HTRA3: variants seen among roughly 807,000 people sequenced by gnomAD.
The protein encoded by HTRA3 is serine protease HTRA3.
A neutral mutation model predicts 43.2 loss-of-function variants in HTRA3; 41 were observed. That is an observed-to-expected ratio of 0.95 (90% CI 0.74 to 1.23). The LOEUF (loss-of-function observed/expected upper bound fraction) is 1.23. Among genes scored for constraint, HTRA3 ranks in the 50% most tolerant of loss-of-function variants. The probability of loss-of-function intolerance (pLI) is 0.00; values close to 1 mark genes in which losing one functional copy is unlikely to be tolerated. For synonymous variants in HTRA3, 295 were observed against 287.9 expected (o/e 1.02, Z -0.25); for missense variants, 628 against 647.1 (o/e 0.97, Z 0.32).
At chr4:8,285,668 G>A (rs760471557) in intron 2 of HTRA3, among the ~76,000 whole-genome samples, 10 of 152,258 alleles carry the variant, frequency 6.6e-5, no homozygotes, top group Admixed American at 5.2e-4. Flanking sequence ...CCTGCTGGAT[G>A]TGGGGCTGTG....
chr4:8,283,360 G>A (rs769590443), intron 2 of HTRA3, among the ~76,000 whole-genome samples: 1 of 152,162 alleles, frequency 6.6e-6, no homozygotes, highest in Non-Finnish European at 1.5e-5. Context: ...TCTTCCCACA[G>A]GGCCTGCCCC....
intron 4 of HTRA3, 112 bp downstream of exon 4, chr4:8,291,676 G>C: frequency 1.4e-6 from 1 of 716,320 alleles, no homozygotes; most frequent in Non-Finnish European, 2.3e-6. Context: ...TCTGGCACTC[G>C]ACACATCCAC....
Position 8,296,310 on chromosome 4 carries a change from C to A in HTRA3, c.1051+2109C>A. On this transcript the variant is annotated intron_variant, in intron 6 of 8. Coordinates refer to ENST00000307358, the MANE Select transcript of HTRA3 (RefSeq NM_053044.5). The surrounding 1 kb of genome is among the most constrained non-coding windows in gnomAD (Gnocchi z 5.3). ...ATCCCAGAACCCCCTGGGAAATATCCCCTGTCCTCAGAGCTGTGTCCCCTC... is the reference window on the plus strand; with the variant it reads ...ATCCCAGAACCCCCTGGGAAATATCACCTGTCCTCAGAGCTGTGTCCCCTC... 1 of 985,466 alleles carries A rather than the reference C, an allele frequency of 1.0e-6. No individual in the cohort carries two copies. The highest frequency in any genetic ancestry group is 1.1e-4 in the East Asian group (1 of 8,808). 61.0% of individuals were successfully genotyped at this position (985,466 alleles called of 1,614,324 possible).
Position 8,294,209 on chromosome 4 carries a change from G to A in HTRA3, c.1051+8G>A, listed in dbSNP as rs976219735. ...AAGACAAGCAGATCAAAGGTAAAGA[G>A]CTCACCTGGAGGGGGCCAGAGGCAG... On this transcript the variant is annotated splice_region_variant and intron_variant, in intron 6 of 8. Transcript: ENST00000307358. 3 of 1,595,766 alleles carry A rather than the reference G, an allele frequency of 1.9e-6. No homozygotes were observed. Among genetic ancestry groups the A allele is most frequent in the Non-Finnish European group, 2.6e-6 (3 of 1,166,370 alleles).
intron 6 of HTRA3, among the ~76,000 whole-genome samples, chr4:8,299,912 T>TA (rs1713579963): frequency 6.6e-6 from 1 of 151,136 alleles, no homozygotes; most frequent in Non-Finnish European, 1.5e-5. Flanking sequence ...TGATCTTGGC[T>TA]CCCTGCAACC....
chr4:8,304,414 T>C lies in HTRA3; in HGVS notation c.1196+135T>C, dbSNP rs551752519. On this transcript the variant is annotated intron_variant, in intron 8 of 8. Transcript: ENST00000307358. Reference sequence around the variant, plus strand: ...GAAGGGGCAGGTGGATTCTAGCGTGTCTGCTAAGCCAGAGGAGGCTGGAGA... The same window carrying C: ...GAAGGGGCAGGTGGATTCTAGCGTGCCTGCTAAGCCAGAGGAGGCTGGAGA... 206 of 667,196 alleles carry C rather than the reference T, an allele frequency of 3.1e-4. 2 individuals carry two copies. The South Asian group carries it at 3.7e-3, about 12-fold the overall frequency. The allele number at this position is 667,196 out of a possible 1,614,324, so 41.3% of individuals were successfully genotyped here.
chr4:8,293,652 G>A (rs578042821), intron 5 of HTRA3, among the ~76,000 whole-genome samples: 1 of 152,112 alleles, frequency 6.6e-6, no homozygotes, highest in Admixed American at 6.5e-5. Context: ...GGATGGGGGG[G>A]TCAAGGAGCT....
intron 5 of HTRA3, among the ~76,000 whole-genome samples, chr4:8,293,843 C>T (rs1024532562): frequency 2.6e-5 from 4 of 152,224 alleles, no homozygotes; most frequent in East Asian, 3.9e-4. Context: ...GGGGCAGGCC[C>T]GAGCTGCAAG....
At chr4:8,292,696 C>A (rs1713297581) in intron 5 of HTRA3, among the ~76,000 whole-genome samples, 1 of 152,204 alleles carries the variant, frequency 6.6e-6, no homozygotes, top group Admixed American at 6.5e-5. Flanking sequence ...GACAGGGGCA[C>A]CCTCATTCTC....
chr4:8,304,656 T>C (rs1185636011), intron 8 of HTRA3, among the ~76,000 whole-genome samples: 1 of 130,382 alleles, frequency 7.7e-6, no homozygotes, highest in African/African-American at 3.3e-5. Flanking sequence ...TTTTTTTTTT[T>C]TTTTTTTTTT....
chr4:8,270,012 C>A lies in HTRA3; in HGVS notation c.44C>A (p.Ala15Glu). 7.7e-7 allele frequency: 1 copy of A among 1,297,020 alleles called. No homozygotes were observed. The highest frequency in any genetic ancestry group is 9.7e-7 in the Non-Finnish European group (1 of 1,028,492). 80.3% of individuals were successfully genotyped at this position (1,297,020 alleles called of 1,614,324 possible). A position where few individuals can be genotyped will look rare whatever the true frequency, so the allele number is the denominator to read the frequency against. ...ALLLAALAALALAREPPAAPC... is the reference protein window; with the variant it reads ...ALLLAALAALELAREPPAAPC... ...CTCCTGGCCGCGTTGGCCGCGCTGG[C>A]GCTGGCCCGGGAGCCCCCTGCGGCG... Residue 15 changes from alanine to glutamate, a missense_variant, in exon 1 of 9, where the codon GCG becomes GAG. By Grantham distance (107) the Ala-to-Glu change is moderately radical (BLOSUM62 -1). Transcript: ENST00000307358.
chr4:8,297,362 C>T lies in HTRA3; in HGVS notation c.1051+3161C>T, dbSNP rs542463751. Among the ~76,000 whole-genome samples the T allele has an allele frequency of 3.9e-5, 6 of 152,248 alleles. No individual in the cohort carries two copies. Among genetic ancestry groups the T allele is most frequent in the South Asian group, 2.1e-4 (1 of 4,826 alleles). Reference sequence around the variant, plus strand: ...GGGCATTACCAGGCCTCTGCTTTCCCGCCCGCACAGTGGGTCTAAGTCAGA... The same window carrying T: ...GGGCATTACCAGGCCTCTGCTTTCCTGCCCGCACAGTGGGTCTAAGTCAGA... On this transcript the variant is annotated intron_variant, in intron 6 of 8. Coordinates refer to ENST00000307358, the MANE Select transcript of HTRA3 (RefSeq NM_053044.5). The surrounding 1 kb of genome is among the most constrained non-coding windows in gnomAD (Gnocchi z 5.8).
In HTRA3 at chr4:8,295,155, C is replaced by G. The variant is rs1578804299; in HGVS notation, c.1051+954C>G. Among the ~76,000 whole-genome samples the G allele has an allele frequency of 6.6e-6, 1 of 152,134 alleles. No individual in the cohort carries two copies. Among genetic ancestry groups the G allele is most frequent in the South Asian group, 2.1e-4 (1 of 4,822 alleles). On this transcript the variant is annotated intron_variant, in intron 6 of 8. Coordinates refer to ENST00000307358, the MANE Select transcript of HTRA3 (RefSeq NM_053044.5). This position sits in a 1 kb window ranked among gnomAD's most constrained non-coding sequence, Gnocchi z 6.9. ...TTCACCTGTCTACCTATCCACCCAT[C>G]CATCCATCCGTCTACCCACCTGTCC...
In HTRA3 at chr4:8,303,482, G is replaced by A. The variant is rs139538129; in HGVS notation, c.1101-702G>A. On this transcript the variant is annotated intron_variant, in intron 7 of 8. Coordinates refer to ENST00000307358, the MANE Select transcript of HTRA3 (RefSeq NM_053044.5). ...GGCTGGAAGTACAAACTTGAGCTTC[G>A]AGGTTTGAAGAAGGGAGAGGTCACT... Among the ~76,000 whole-genome samples the A allele has an allele frequency of 3.9e-3, 601 of 152,294 alleles. 3 individuals carry two copies. The highest frequency in any genetic ancestry group is 9.0e-3 in the Admixed American group (137 of 15,304).
intron 3 of HTRA3, among the ~76,000 whole-genome samples, chr4:8,290,750 A>T (rs954689141): frequency 6.6e-6 from 1 of 152,210 alleles, no homozygotes; most frequent in Non-Finnish European, 1.5e-5. Flanking sequence ...AGAGTCAGAT[A>T]ATCAGACAGA....
chr4:8,271,240 T>C (rs567299777), intron 1 of HTRA3, among the ~76,000 whole-genome samples: 1 of 152,214 alleles, frequency 6.6e-6, no homozygotes, highest in South Asian at 2.1e-4. Context: ...TTTTCTGCGG[T>C]CCGCTGAACA....
intron 1 of HTRA3, among the ~76,000 whole-genome samples, chr4:8,276,986 T>C (rs1297806091): frequency 6.6e-6 from 1 of 152,232 alleles, no homozygotes; most frequent in African/African-American, 2.4e-5. Flanking sequence ...CAGCCTGACG[T>C]CCCATGCCCA....
intron 3 of HTRA3, among the ~76,000 whole-genome samples, chr4:8,288,886 C>CTTCCTTCT (rs1713104814): frequency 8.5e-6 from 1 of 118,142 alleles, no homozygotes; most frequent in Non-Finnish European, 1.8e-5. Flanking sequence ...ATTTTCCTTC[C>CTTCCTTCT]TTCCTTCCGT....
intron 7 of HTRA3, 23 bp from the exon 8 acceptor site, chr4:8,304,161 C>G: frequency 6.2e-7 from 1 of 1,601,266 alleles, no homozygotes; most frequent in Non-Finnish European, 8.6e-7. Flanking sequence ...AGGGGAGGGG[C>G]CTTGACGGCA....
Sources: gnomAD v4.1 joint callset for allele counts (sites outside exome capture counted in the v4.1 genomes callset) on GRCh38, gnomAD v4.1.1 for gene constraint, Gnocchi (gnomAD v3.1) non-coding constraint, MANE v1.5 for transcripts, NCBI Gene and HGNC (gene_info 2026-07-23, HGNC 2026-07-21) for gene names.